The following LAMA4 variants were observed in gnomAD, a reference collection of about 807,000 sequenced individuals.
LAMA4 encodes the protein laminin subunit alpha-4.
In LAMA4, 127 loss-of-function variants were observed where a neutral mutation model predicts 207.1. The observed-to-expected ratio is 0.61, with a 90% CI of 0.53 to 0.71. LAMA4 has a LOEUF of 0.71. Ranked by LOEUF, LAMA4 falls within the 30% of genes least tolerant of loss-of-function variation. The pLI is 0.00. For synonymous variants in LAMA4, 761 were observed against 816.0 expected (o/e 0.93, Z 1.15); for missense variants, 2,093 against 2,246.5 (o/e 0.93, Z 1.38).
At chr6:112,235,157 G>A (rs1307825735) in intron 2 of LAMA4, among the ~76,000 whole-genome samples, 1 of 152,166 alleles carries the variant, frequency 6.6e-6, no homozygotes, top group African/African-American at 2.4e-5. Flanking sequence ...TGCAGACCAT[G>A]TGGGGCTGCC....
At chr6:112,143,933 TAA>T (rs1215555280) in intron 19 of LAMA4, among the ~76,000 whole-genome samples, 2 of 152,214 alleles carry the variant, frequency 1.3e-5, no homozygotes, top group Non-Finnish European at 2.9e-5. Flanking sequence ...TATCATCATT[TAA>T]AAGTCAGGTC....
intron 2 of LAMA4, among the ~76,000 whole-genome samples, chr6:112,229,486 T>C (rs556400233): frequency 1.3e-5 from 2 of 152,252 alleles, no homozygotes; most frequent in Non-Finnish European, 2.9e-5. Flanking sequence ...AAGATAATTG[T>C]TCTTTGTTGA....
chr6:112,253,913 G>A (rs782020402), intron 2 of LAMA4, 43 bp downstream of exon 2: 3 of 1,612,824 alleles, frequency 1.9e-6, no homozygotes, highest in Admixed American at 1.7e-5. Flanking sequence ...GCCCGCGGGG[G>A]CGCAGGTGCC....
intron 18 of LAMA4, among the ~76,000 whole-genome samples, chr6:112,146,030 C>T (rs1780007597): frequency 6.6e-6 from 1 of 152,144 alleles, no homozygotes; most frequent in African/African-American, 2.4e-5. Flanking sequence ...TGGCTCACAC[C>T]TGTAATCCCA....
chr6:112,118,705 GTGTGTGTGTGTGTGTA>G lies in LAMA4; in HGVS notation c.4821+435_4821+450del, dbSNP rs1195770086. 7.7e-5 allele frequency among the ~76,000 whole-genome samples: 8 copies of G among 103,798 alleles called. No individual in the cohort carries two copies. Among genetic ancestry groups the G allele is most frequent in the African/African-American group, 3.1e-4 (8 of 25,486 alleles). The allele number at this position is 103,798 out of a possible 152,430, so 68.1% of individuals were successfully genotyped here. A position where few individuals can be genotyped will look rare whatever the true frequency, so the allele number is the denominator to read the frequency against. On this transcript the variant is annotated intron_variant, in intron 34 of 38. Coordinates refer to ENST00000230538, the MANE Select transcript of LAMA4 (RefSeq NM_001105206.3). This position sits in a 1 kb window ranked among gnomAD's most constrained non-coding sequence, Gnocchi z 4.6. ...ACATTTCCTTATACATTTACAAATT[GTGTGTGTGTGTGTGTA>G]TGTGTGTGTGTGTGTGTGTGTGTGT...
chr6:112,163,702 A>T (rs563568329), intron 13 of LAMA4, among the ~76,000 whole-genome samples: 8 of 152,338 alleles, frequency 5.3e-5, no homozygotes, highest in African/African-American at 1.9e-4. Context: ...TTTTGCTGTG[A>T]AGCTGAGCAG....
chr6:112,109,526 G>A lies in LAMA4; in HGVS notation c.5383C>T (p.His1795Tyr), dbSNP rs782153502. The A allele has an allele frequency of 2.7e-5, 43 of 1,614,122 alleles. No individual in the cohort carries two copies. Among genetic ancestry groups the A allele is most frequent in the Middle Eastern group, 1.6e-4 (1 of 6,062 alleles). The change falls in exon 39 of 39, where the codon CAC (histidine) becomes TAC (tyrosine). Residue 1795 changes from histidine (H) to tyrosine (Y), a missense_variant. Transcript: ENST00000230538. ...ACTGGGTGTCCATCAATCACAAAGTGGCGTATGCAGCCTGTGAAGGGTTTG... is the reference window on the plus strand; with the variant it reads ...ACTGGGTGTCCATCAATCACAAAGTAGCGTATGCAGCCTGTGAAGGGTTTG... ...PSKPFTGCIR[H>Y]FVIDGHPVSF...
chr6:112,109,997 A>G (rs1341353272), intron 38 of LAMA4, among the ~76,000 whole-genome samples: 2 of 152,220 alleles, frequency 1.3e-5, no homozygotes, highest in South Asian at 4.1e-4. Context: ...CTTGGTTAAT[A>G]TTTCTGTTTA....
intron 16 of LAMA4, among the ~76,000 whole-genome samples, chr6:112,154,409 C>T (rs1166596165): frequency 6.6e-6 from 1 of 151,472 alleles, no homozygotes; most frequent in Non-Finnish European, 1.5e-5. Flanking sequence ...TTGTGGTACC[C>T]TGTCATCCTA....
intron 8 of LAMA4, among the ~76,000 whole-genome samples, chr6:112,186,465 A>T (rs979015194): frequency 3.3e-5 from 5 of 152,196 alleles, no homozygotes; most frequent in Non-Finnish European, 5.9e-5. Flanking sequence ...TTTTGTTGTG[A>T]TAGAAGCCCA....
rs79305637 is a variant in LAMA4 at position 112,202,066 on chromosome 6, G to A, written c.423-378C>T. Among the ~76,000 whole-genome samples, 711 of 152,118 alleles carry A rather than the reference G, an allele frequency of 4.7e-3. 4 individuals are homozygous for A. The highest frequency in any genetic ancestry group is 0.016 in the African/African-American group (683 of 41,502). ...AAGTTTCCCCTTTTTTTCTGCACTA[G>A]AACTTGTCCAGTTTTAAAGGGAAGG... is the stretch of plus-strand genomic sequence containing the variant. On this transcript the variant is annotated intron_variant, in intron 4 of 38. Coordinates refer to ENST00000230538, the MANE Select transcript of LAMA4 (RefSeq NM_001105206.3).
intron 14 of LAMA4, among the ~76,000 whole-genome samples, chr6:112,157,003 A>T (rs1169572298): frequency 6.6e-6 from 1 of 152,106 alleles, no homozygotes; most frequent in Non-Finnish European, 1.5e-5. Flanking sequence ...GCAGACATGA[A>T]ATAAAGGTTT....
chr6:112,176,708 T>C (rs1424920138), intron 10 of LAMA4, among the ~76,000 whole-genome samples: 1 of 152,220 alleles, frequency 6.6e-6, no homozygotes, highest in Non-Finnish European at 1.5e-5. Flanking sequence ...AGTCTTATAT[T>C]TATAATTTTG....
chr6:112,116,237 T>A (rs797039454), intron 35 of LAMA4, among the ~76,000 whole-genome samples: 4 of 152,202 alleles, frequency 2.6e-5, no homozygotes, highest in African/African-American at 9.6e-5. Context: ...AAATATGTGT[T>A]ATGGGAGCTC....
chr6:112,194,021 AC>A (rs1554349823), intron 5 of LAMA4, among the ~76,000 whole-genome samples: 3 of 152,360 alleles, frequency 2.0e-5, no homozygotes, highest in African/African-American at 7.2e-5. Context: ...ATTCTACACA[AC>A]CCACAAAGAG....
In LAMA4 at chr6:112,178,419, T is replaced by G. The variant is rs918757070; in HGVS notation, c.1078-187A>C. On this transcript the variant is annotated intron_variant, in intron 9 of 38. Transcript: ENST00000230538. ...AGGTAATGTGATGGCCAGTTTTACT[T>G]TTAAAAAATTTTTTAATTTTTCCGT... 2.2e-5 allele frequency: 13 copies of G among 591,664 alleles called. No homozygotes were observed. The Admixed American group carries it at 3.9e-4, about 18-fold the overall frequency. 36.7% of individuals were successfully genotyped at this position (591,664 alleles called of 1,614,324 possible).
chr6:112,165,073 A>T, intron 13 of LAMA4, 87 bp downstream of exon 13: 1 of 807,736 alleles, frequency 1.2e-6, no homozygotes, highest in South Asian at 1.3e-5. Context: ...CACTGGTTAG[A>T]TATGAATTTA....
chr6:112,161,740 G>A (rs1156841622), intron 13 of LAMA4, among the ~76,000 whole-genome samples: 2 of 152,268 alleles, frequency 1.3e-5, no homozygotes, highest in East Asian at 3.9e-4. Flanking sequence ...GGGGTAAGGG[G>A]TTCATTTGGA....
intron 3 of LAMA4, among the ~76,000 whole-genome samples, chr6:112,211,961 GT>G (rs1784376445): frequency 6.6e-6 from 1 of 152,148 alleles, no homozygotes; most frequent in Admixed American, 6.5e-5. Context: ...TTGGGAAGCT[GT>G]GTCAGTGGTC....
Sources: gnomAD v4.1 joint callset for allele counts (sites outside exome capture counted in the v4.1 genomes callset) on GRCh38, gnomAD v4.1.1 for gene constraint, Gnocchi (gnomAD v3.1) non-coding constraint, MANE v1.5 for transcripts, NCBI Gene and HGNC (gene_info 2026-07-23, HGNC 2026-07-21) for gene names.